Variants in NSUN6 observed in about 807,000 individuals in gnomAD.
NSUN6 encodes the protein tRNA (cytosine(72)-C(5))-methyltransferase NSUN6.
A neutral mutation model predicts 58.0 loss-of-function variants in NSUN6; 64 were observed. The observed-to-expected ratio is 1.10, with a 90% CI of 0.90 to 1.36. The LOEUF (loss-of-function observed/expected upper bound fraction) is 1.36, where lower values mean the gene tolerates loss of function less well. Among genes scored for constraint, NSUN6 ranks in the 40% most tolerant of loss-of-function variants. The probability of loss-of-function intolerance (pLI) is 0.00; values close to 1 mark genes in which losing one functional copy is unlikely to be tolerated. For synonymous variants in NSUN6, 231 were observed against 193.9 expected (o/e 1.19, Z -1.59); for missense variants, 701 against 550.1 (o/e 1.27, Z -2.74).
intron 3 of NSUN6, among the ~76,000 whole-genome samples, chr10:18,629,776 G>C (rs936123074): frequency 2.1e-5 from 3 of 145,552 alleles, no homozygotes; most frequent in African/African-American, 7.6e-5. Flanking sequence ...GACCTACAAA[G>C]AGACTTAGAC....
intron 8 of NSUN6, among the ~76,000 whole-genome samples, chr10:18,579,619 A>G (rs1169476297): frequency 6.6e-6 from 1 of 152,184 alleles, no homozygotes. Flanking sequence ...GTCCTGAGAC[A>G]TGTGCCCCAG....
At chr10:18,656,677 G>A (rs10829140), upstream of NSUN6, among the ~76,000 whole-genome samples, 85,157 of 152,004 alleles carry the variant, frequency 0.56, 24,369 homozygotes, top group East Asian at 0.97. Flanking sequence ...TTTATTTTTT[G>A]AATTCCCGAG....
At chr10:18,621,157 T>G (rs72775111) in intron 3 of NSUN6, among the ~76,000 whole-genome samples, 10 of 152,270 alleles carry the variant, frequency 6.6e-5, no homozygotes, top group Non-Finnish European at 1.5e-4. Context: ...GAATCCAGAA[T>G]GTGGGTATGT....
At chr10:18,579,507 T>C (rs764692457) in intron 8 of NSUN6, among the ~76,000 whole-genome samples, 3 of 152,138 alleles carry the variant, frequency 2.0e-5, no homozygotes, top group Non-Finnish European at 2.9e-5. Flanking sequence ...TCACATAATA[T>C]ATAGTCCTGT....
chr10:18,560,569 G>A (rs1424009523), intron 8 of NSUN6, among the ~76,000 whole-genome samples: 2 of 151,296 alleles, frequency 1.3e-5, no homozygotes, highest in African/African-American at 4.8e-5. Context: ...GAATAGAATG[G>A]AATGGAGGAT....
chr10:18,627,600 A>C lies in NSUN6; in HGVS notation c.312-11307T>G, dbSNP rs557122997. Among the ~76,000 whole-genome samples the C allele has an allele frequency of 2.6e-5, 4 of 152,304 alleles. No homozygotes were observed. The East Asian group carries it at 5.8e-4, about 22-fold the overall frequency. On this transcript the variant is annotated intron_variant, in intron 3 of 10. Transcript: ENST00000377304. ...AGGGCGAGGCATTGCCTCACTCGGGAAGCACAAGGGGTCAGGGAGTTCCCT... is the reference window on the plus strand; with the variant it reads ...AGGGCGAGGCATTGCCTCACTCGGGCAGCACAAGGGGTCAGGGAGTTCCCT...
chr10:18,565,414 ACCATTCTCCACTCCATT>A (rs2055853191), intron 8 of NSUN6, among the ~76,000 whole-genome samples: 1 of 142,942 alleles, frequency 7.0e-6, no homozygotes, highest in South Asian at 2.2e-4. Context: ...TCCATTCCAT[ACCATTCTCCACTCCATT>A]CCATTCTCCA....
intron 8 of NSUN6, among the ~76,000 whole-genome samples, 164 bp from the exon 9 acceptor site, chr10:18,552,135 T>C (rs1469840333): frequency 6.6e-6 from 1 of 151,566 alleles, no homozygotes; most frequent in African/African-American, 2.4e-5. Flanking sequence ...TTATACCTAA[T>C]ACAGATTTGA....
intron 8 of NSUN6, among the ~76,000 whole-genome samples, chr10:18,576,411 C>A (rs964646731): frequency 1.3e-5 from 2 of 152,138 alleles, no homozygotes; most frequent in Non-Finnish European, 2.9e-5. Context: ...AGGAGTCTTA[C>A]CCTCAATGTA....
intron 8 of NSUN6, among the ~76,000 whole-genome samples, chr10:18,559,655 G>A (rs1019141833): frequency 6.6e-6 from 1 of 150,642 alleles, no homozygotes; most frequent in Admixed American, 6.7e-5. Context: ...AGAATCTTAC[G>A]GAGACGGCAA....
Position 18,626,045 on chromosome 10 carries a change from T to C in NSUN6, c.312-9752A>G, listed in dbSNP as rs2058790193. Among the ~76,000 whole-genome samples, 3 of 152,180 alleles carry C rather than the reference T, an allele frequency of 2.0e-5. 1 individual carries two copies. Among genetic ancestry groups the C allele is most frequent in the South Asian group, 4.1e-4 (2 of 4,830 alleles). On this transcript the variant is annotated intron_variant, in intron 3 of 10. Transcript: ENST00000377304. ...ATTCTCAATCAAGAAAGTAACGCAG[T>C]ACGTAAGAGTCACACTTTGGGAAAG...
chr10:18,611,261 G>A (rs1020943587), intron 5 of NSUN6, among the ~76,000 whole-genome samples: 5 of 152,060 alleles, frequency 3.3e-5, no homozygotes, highest in Non-Finnish European at 5.9e-5. Flanking sequence ...AATCCAAGGA[G>A]AGTCCCATTA....
At chr10:18,591,891 T>C (rs1201648837) in intron 7 of NSUN6, among the ~76,000 whole-genome samples, 1 of 152,010 alleles carries the variant, frequency 6.6e-6, no homozygotes, top group Non-Finnish European at 1.5e-5. Context: ...GAGAAAGAAA[T>C]AAAGAGTATT....
intron 3 of NSUN6, among the ~76,000 whole-genome samples, chr10:18,617,038 C>G (rs920461177): frequency 2.6e-5 from 4 of 152,140 alleles, no homozygotes; most frequent in Admixed American, 2.6e-4. Context: ...ATTGCTCATT[C>G]TCTGCCTACT....
intron 6 of NSUN6, among the ~76,000 whole-genome samples, chr10:18,598,134 T>TA: frequency 6.6e-6 from 1 of 152,312 alleles, no homozygotes; most frequent in East Asian, 1.9e-4. Flanking sequence ...ATGTACCTTG[T>TA]AATCTCCCCC....
chr10:18,625,454 T>C (rs1422843056), intron 3 of NSUN6, among the ~76,000 whole-genome samples: 1 of 152,126 alleles, frequency 6.6e-6, no homozygotes, highest in Non-Finnish European at 1.5e-5. Flanking sequence ...GGCTCACACC[T>C]GAAATCCCAG....
chr10:18,658,582 T>C (rs2059803647), upstream of NSUN6: 4 of 703,242 alleles, frequency 5.7e-6, no homozygotes, highest in African/African-American at 5.8e-5. Flanking sequence ...CGAACATACC[T>C]AATGCTTGGC....
intron 3 of NSUN6, among the ~76,000 whole-genome samples, chr10:18,638,158 G>C (rs528268440): frequency 2.6e-5 from 4 of 152,084 alleles, no homozygotes; most frequent in Non-Finnish European, 5.9e-5. Context: ...AATGGCAAAA[G>C]TTGGCCAGGT....
chr10:18,595,039 A>C (rs1445698891), intron 7 of NSUN6, among the ~76,000 whole-genome samples: 4 of 152,172 alleles, frequency 2.6e-5, no homozygotes, highest in African/African-American at 7.2e-5. Context: ...GGGAGAACTT[A>C]CACATCGGCC....
Sources: gnomAD v4.1 joint callset for allele counts (sites outside exome capture counted in the v4.1 genomes callset) on GRCh38, gnomAD v4.1.1 for gene constraint, MANE v1.5 for transcripts, NCBI Gene and HGNC (gene_info 2026-07-23, HGNC 2026-07-21) for gene names.